Variants in SPG11 observed in about 807,000 individuals in gnomAD.
The protein encoded by SPG11 is SPG11 vesicle trafficking associated, spatacsin, also known as spatacsin.
SPG11 carries 222 observed loss-of-function variants against 274.0 expected under a neutral mutation model. The observed-to-expected ratio is 0.81, with a 90% CI of 0.73 to 0.91. The LOEUF (loss-of-function observed/expected upper bound fraction) is 0.91, where lower values mean the gene tolerates loss of function less well. Among genes scored for constraint, SPG11 ranks in the 40% least tolerant of loss-of-function variants. The pLI, the probability that SPG11 is intolerant of heterozygous loss-of-function variation, is 0.00. For synonymous variants in SPG11, 1,144 were observed against 1,039.7 expected (o/e 1.10, Z -1.93); for missense variants, 3,114 against 2,872.7 (o/e 1.08, Z -1.92).
chr15:44,600,255 T>A, intron 21 of SPG11: 1 of 531,584 alleles, frequency 1.9e-6, no homozygotes. Flanking sequence ...TATACAGATA[T>A]GCCCTTTTTT....
At chr15:44,574,004 C>T (rs958753495) in intron 31 of SPG11, among the ~76,000 whole-genome samples, 2 of 151,864 alleles carry the variant, frequency 1.3e-5, no homozygotes, top group African/African-American at 4.8e-5. Context: ...ATTTTTTTGG[C>T]GGCAGGGTTG....
chr15:44,660,414 C>A lies in SPG11; in HGVS notation c.442+18G>T. On this transcript the variant is annotated intron_variant, in intron 2 of 39. Coordinates refer to ENST00000261866, the MANE Select transcript of SPG11 (RefSeq NM_025137.4). ...TCACAAATTTAAATATGCTGAAAGA[C>A]CACCTGTAGATACTTACTGATATCT... The A allele has an allele frequency of 6.2e-7, 1 of 1,609,040 alleles. No homozygotes were observed. The highest frequency in any genetic ancestry group is 8.5e-7 in the Non-Finnish European group (1 of 1,176,560).
intron 4 of SPG11, among the ~76,000 whole-genome samples, chr15:44,653,193 G>T (rs1333183275): frequency 6.6e-6 from 1 of 152,126 alleles, no homozygotes; most frequent in Non-Finnish European, 1.5e-5. Context: ...AGGGGGAAAA[G>T]GAACCTGAAG....
chr15:44,615,163 C>G (rs1299194499), intron 16 of SPG11, among the ~76,000 whole-genome samples, 200 bp downstream of exon 16: 1 of 152,016 alleles, frequency 6.6e-6, no homozygotes, highest in Non-Finnish European at 1.5e-5. Context: ...ATTAATTCAC[C>G]AAAAAACACA....
chr15:44,563,706 T>C (rs1268558488), intron 39 of SPG11, among the ~76,000 whole-genome samples: 3 of 151,852 alleles, frequency 2.0e-5, no homozygotes, highest in Non-Finnish European at 2.9e-5. Context: ...CAGTGGTTTT[T>C]CAGAGTGTGA....
rs370138649 is a variant in SPG11, at chr15:44,605,974, T to C, written c.3520+51A>G. ...GATTGGCATTACATGTATTAACTTC[T>C]GTAGTTAACACTGCTAAAACATGTC... On this transcript the variant is annotated intron_variant, in intron 20 of 39. Coordinates refer to ENST00000261866, the MANE Select transcript of SPG11 (RefSeq NM_025137.4). 7 of 1,432,386 alleles carry C rather than the reference T, an allele frequency of 4.9e-6. No individual in the cohort carries two copies. The African/African-American group carries it at 7.0e-5, about 14-fold the overall frequency. 88.7% of individuals were successfully genotyped at this position (1,432,386 alleles called of 1,614,324 possible).
At position 44,661,240 on chromosome 15, in the gene SPG11, A is replaced by C. The variant is rs534241420; in HGVS notation, c.258-624T>G. ...CATGTAGCTAATGACTACCATTACT[A>C]AACGGTAGAGTTACGGAATTCTTAA... On this transcript the variant is annotated intron_variant, in intron 1 of 39. Coordinates refer to ENST00000261866, the MANE Select transcript of SPG11 (RefSeq NM_025137.4). 1.3e-5 allele frequency among the ~76,000 whole-genome samples: 2 copies of C among 152,200 alleles called. 1 individual carries two copies. Among genetic ancestry groups the C allele is most frequent in the Non-Finnish European group, 2.9e-5 (2 of 68,010 alleles).
intron 30 of SPG11, 44 bp downstream of exon 30, chr15:44,583,770 C>T (rs749209625): frequency 1.2e-6 from 2 of 1,613,428 alleles, no homozygotes; most frequent in South Asian, 2.2e-5. Context: ...ACAGTGCTAA[C>T]AGTGCCATTT....
At position 44,569,576 on chromosome 15, in the gene SPG11, A is replaced by G; in HGVS notation, c.6478-71T>C. On this transcript the variant is annotated intron_variant, in intron 34 of 39. Transcript: ENST00000261866. The stretch of plus-strand genomic sequence containing the variant: ...GAGTTCTCTGAGCCAGACAACTACC[A>G]TCAGTGGTTGCTTTCAGATGCCAAG... The G allele has an allele frequency of 4.2e-6, 5 of 1,190,708 alleles. No homozygotes were observed. The South Asian group carries it at 5.2e-5, about 12-fold the overall frequency. 73.8% of individuals were successfully genotyped at this position (1,190,708 alleles called of 1,614,324 possible).
At chr15:44,577,697 T>C (rs561259977) in intron 30 of SPG11, among the ~76,000 whole-genome samples, 14 of 152,196 alleles carry the variant, frequency 9.2e-5, no homozygotes, top group African/African-American at 3.4e-4. Context: ...ACATAATACA[T>C]GTGGCATACA....
At chr15:44,636,049 G>C (rs2084240243) in intron 7 of SPG11, among the ~76,000 whole-genome samples, 1 of 152,126 alleles carries the variant, frequency 6.6e-6, no homozygotes. Flanking sequence ...TAGATATTGG[G>C]AGGGGCCTGA....
intron 7 of SPG11, among the ~76,000 whole-genome samples, chr15:44,646,582 G>T (rs934981505): frequency 2.6e-5 from 4 of 152,110 alleles, no homozygotes; most frequent in Admixed American, 6.6e-5. Context: ...GGGACACAGA[G>T]CCAAACCATA....
intron 1 of SPG11, among the ~76,000 whole-genome samples, chr15:44,662,962 G>A (rs1008828443): frequency 6.6e-6 from 1 of 152,192 alleles, no homozygotes; most frequent in Non-Finnish European, 1.5e-5. Flanking sequence ...TTCACTTCAA[G>A]GACATGAAAA....
At position 44,646,208 on chromosome 15, in the gene SPG11, T is replaced by C. The variant is rs1446936065; in HGVS notation, c.1602+2658A>G. ...ATATTCCTCACGGCACTATTGACAATGGCAAAGATATGGAATCAACCTAAA... is the reference window on the plus strand; with the variant it reads ...ATATTCCTCACGGCACTATTGACAACGGCAAAGATATGGAATCAACCTAAA... On this transcript the variant is annotated intron_variant, in intron 7 of 39. Coordinates refer to ENST00000261866, the MANE Select transcript of SPG11 (RefSeq NM_025137.4). Among the ~76,000 whole-genome samples the C allele has an allele frequency of 2.6e-5, 4 of 152,236 alleles. No homozygotes were observed. The East Asian group carries it at 5.8e-4, about 22-fold the overall frequency.
At position 44,633,530 on chromosome 15, in the gene SPG11, G is replaced by C. The variant is rs1040331008; in HGVS notation, c.1710C>G (p.His570Gln). The C allele has an allele frequency of 4.4e-6, 7 of 1,603,462 alleles. No homozygotes were observed. The highest frequency in any genetic ancestry group is 1.7e-4 in the Middle Eastern group (1 of 6,044). Residue 570 changes from histidine (H) to glutamine (Q), a missense_variant, in exon 8 of 40, where the codon CAC (histidine) becomes CAG (glutamine). Physicochemically the swap from His to Gln is conservative, Grantham distance 24. Transcript: ENST00000261866. ...SKSSVSDQFD[H>Q]LSSHLYLRNV... ...TTCTTAAATATAAATGGGATGACAA[G>C]TGATCAAACTGATCAGATACAGAAG...
chr15:44,613,585 G>T (rs2083516781), intron 16 of SPG11, 49 bp from the exon 17 acceptor site: 1 of 1,234,276 alleles, frequency 8.1e-7, no homozygotes, highest in South Asian at 1.2e-5. Flanking sequence ...TACAGGATAA[G>T]ACAATTACAA....
chr15:44,592,578 G>T, intron 26 of SPG11, 140 bp from the exon 27 acceptor site: 1 of 673,334 alleles, frequency 1.5e-6, no homozygotes, highest in Non-Finnish European at 2.7e-6. Context: ...CAGCACTTTG[G>T]GAAGCCGAGC....
In SPG11 at chr15:44,613,453, C is replaced by A; in HGVS notation, c.3122G>T (p.Arg1041Leu). ...ACCTGTTAAGTTACTGGCAACTTGT[C>A]GACACTGAACTAAAAATTCAAACCA... ...HPWFEFLVQC[R>L]QVASNLTDPK... Residue 1041 changes from arginine to leucine, a missense_variant, in exon 17 of 40, where the codon CGA becomes CTA. Arg to Leu is a moderately radical substitution (Grantham distance 102). Coordinates refer to ENST00000261866, the MANE Select transcript of SPG11 (RefSeq NM_025137.4). The A allele has an allele frequency of 1.2e-6, 2 of 1,613,504 alleles. No homozygotes were observed. Among genetic ancestry groups the A allele is most frequent in the East Asian group, 2.2e-5 (1 of 44,820 alleles).
chr15:44,572,685 C>T lies in SPG11; in HGVS notation c.6341G>A (p.Cys2114Tyr). The stretch of plus-strand genomic sequence containing the variant: ...TAAGAAAAAGGTCAATAACTTACTG[C>T]AAGACAGTTCCCCATGGGGAACGGA... ...ISSVPHGELS[C>Y]TTELLILAHH... The change falls in exon 33 of 40, where the codon TGC (cysteine) becomes TAC (tyrosine). Residue 2114 changes from cysteine (C) to tyrosine (Y), a missense_variant and splice_region_variant. Cys to Tyr is a radical substitution (Grantham distance 194). Coordinates refer to ENST00000261866, the MANE Select transcript of SPG11 (RefSeq NM_025137.4). 1.2e-6 allele frequency: 2 copies of T among 1,614,160 alleles called. No homozygotes were observed. Among genetic ancestry groups the T allele is most frequent in the Non-Finnish European group, 1.7e-6 (2 of 1,180,016 alleles).
Sources: allele counts gnomAD v4.1 joint callset (sites outside exome capture counted in the v4.1 genomes callset), GRCh38; gene constraint gnomAD v4.1.1; transcripts MANE v1.5; gene names NCBI Gene and HGNC (gene_info 2026-07-23, HGNC 2026-07-21).